The following COL9A1 variants were observed in gnomAD, a reference collection of about 807,000 sequenced individuals.
The protein encoded by COL9A1 is collagen alpha-1(IX) chain.
In COL9A1, 104 loss-of-function variants were observed where a neutral mutation model predicts 142.6. The ratio of observed to expected loss-of-function variants is 0.73; its 90% confidence interval spans 0.62 to 0.86. The LOEUF (loss-of-function observed/expected upper bound fraction) is 0.86. Ranked by LOEUF, COL9A1 falls within the 40% of genes least tolerant of loss-of-function variation. COL9A1 has a pLI of 0.00. For synonymous variants in COL9A1, 466 were observed against 396.0 expected (o/e 1.18, Z -2.10); for missense variants, 1,210 against 1,176.6 (o/e 1.03, Z -0.42).
downstream of COL9A1, chr6:70,215,515 G>C (rs1422553109): frequency 1.3e-5 from 2 of 152,196 alleles, no homozygotes; most frequent in African/African-American, 2.4e-5. Context: ...CACAGGCTCT[G>C]TGATATAAAA....
chr6:70,229,633 A>G (rs575930642), intron 36 of COL9A1, among the ~76,000 whole-genome samples: 6 of 152,316 alleles, frequency 3.9e-5, no homozygotes, highest in Admixed American at 3.3e-4. Flanking sequence ...CTAAAAATAT[A>G]CAGCCTTACT....
At position 70,271,728 on chromosome 6, in the gene COL9A1, G is replaced by T; in HGVS notation, c.1090-20C>A. The T allele has an allele frequency of 6.2e-7, 1 of 1,609,536 alleles. No homozygotes were observed. The highest frequency in any genetic ancestry group is 8.5e-7 in the Non-Finnish European group (1 of 1,176,116). Reference sequence around the variant, plus strand: ...AGGACCCTGAAGTCAACAAATCAAAGCAAATGGTCATTTATGAATATTTTT... The same window carrying T: ...AGGACCCTGAAGTCAACAAATCAAATCAAATGGTCATTTATGAATATTTTT... On this transcript the variant is annotated intron_variant, in intron 13 of 37. Coordinates refer to ENST00000357250, the MANE Select transcript of COL9A1 (RefSeq NM_001851.6).
chr6:70,286,787 G>A lies in COL9A1; in HGVS notation c.697-2967C>T, dbSNP rs111504025. ...TAAACCCGGCTGTTCCAGACATAGT[G>A]CTAGGGATGTAGGCAGCACTCATAT... On this transcript the variant is annotated intron_variant, in intron 5 of 37. Coordinates refer to ENST00000357250, the MANE Select transcript of COL9A1 (RefSeq NM_001851.6). Among the ~76,000 whole-genome samples the A allele has an allele frequency of 1.4e-4, 22 of 152,294 alleles. 1 individual carries two copies. Among genetic ancestry groups the A allele is most frequent in the African/African-American group, 5.1e-4 (21 of 41,558 alleles).
intron 28 of COL9A1, among the ~76,000 whole-genome samples, chr6:70,251,246 G>GA (rs1174939723): frequency 6.6e-6 from 1 of 151,830 alleles, no homozygotes. Flanking sequence ...CAATCATTAG[G>GA]AAAAAAAATA....
intron 33 of COL9A1, among the ~76,000 whole-genome samples, chr6:70,235,852 C>T (rs144531999): frequency 0.048 from 7,280 of 152,078 alleles, 245 homozygotes; most frequent in Non-Finnish European, 0.075. Flanking sequence ...CGGTGGCTCA[C>T]GCCTGTAATC....
Position 70,281,472 on chromosome 6 carries a change from A to G in COL9A1, c.802-8T>C. The G allele has an allele frequency of 6.2e-7, 1 of 1,609,974 alleles. No individual in the cohort carries two copies. Among genetic ancestry groups the G allele is most frequent in the Non-Finnish European group, 8.5e-7 (1 of 1,178,362 alleles). ...CTCACCCGGGGGACCTCTCTGGCAA[A>G]AATAGCAGACATAGGTTAGTGGAGC... is the stretch of plus-strand genomic sequence containing the variant. On this transcript the variant is annotated splice_polypyrimidine_tract_variant and splice_region_variant and intron_variant, in intron 7 of 37. Coordinates refer to ENST00000357250, the MANE Select transcript of COL9A1 (RefSeq NM_001851.6).
chr6:70,280,719 TTC>T, intron 10 of COL9A1, 91 bp downstream of exon 10: 1 of 1,415,578 alleles, frequency 7.1e-7, no homozygotes, highest in Non-Finnish European at 9.7e-7. Flanking sequence ...CTCTCTCTCT[TTC>T]TCTCTCTCCC....
intron 36 of COL9A1, among the ~76,000 whole-genome samples, chr6:70,229,784 G>C (rs1769438749): frequency 1.3e-5 from 2 of 152,126 alleles, no homozygotes; most frequent in South Asian, 4.1e-4. Context: ...CTAACATTTT[G>C]TATAATATTG....
At chr6:70,224,868 T>A (rs1769126199) in intron 37 of COL9A1, among the ~76,000 whole-genome samples, 1 of 152,196 alleles carries the variant, frequency 6.6e-6, no homozygotes, top group South Asian at 2.1e-4. Flanking sequence ...AGAAAGGCAG[T>A]GTTTGAGTTA....
At chr6:70,298,724 C>T (rs1215821297) in intron 4 of COL9A1, among the ~76,000 whole-genome samples, 3 of 152,142 alleles carry the variant, frequency 2.0e-5, no homozygotes, top group Non-Finnish European at 4.4e-5. Flanking sequence ...CACTGAGGAC[C>T]TCATGTTTTG....
chr6:70,281,288 C>T, intron 8 of COL9A1, 102 bp downstream of exon 8: 1 of 1,139,596 alleles, frequency 8.8e-7, no homozygotes, highest in Non-Finnish European at 1.2e-6. Flanking sequence ...AGGGGAGACC[C>T]TGGTCCTCTC....
chr6:70,292,068 T>C (rs148473939), intron 5 of COL9A1, among the ~76,000 whole-genome samples: 2 of 152,328 alleles, frequency 1.3e-5, no homozygotes, highest in East Asian at 3.9e-4. Flanking sequence ...TTTCCTTACA[T>C]AGTGTTCTAA....
At chr6:70,254,370 T>C (rs866374863) in intron 25 of COL9A1, 106 bp downstream of exon 25, 8 of 970,006 alleles carry the variant, frequency 8.2e-6, no homozygotes, top group Middle Eastern at 2.2e-4. Flanking sequence ...TAAAACATCA[T>C]ATCTTCCCCA....
chr6:70,299,690 T>C (rs935484627), intron 4 of COL9A1, among the ~76,000 whole-genome samples: 1 of 152,214 alleles, frequency 6.6e-6, no homozygotes, highest in Non-Finnish European at 1.5e-5. Flanking sequence ...AACCACTCTG[T>C]GGCTCCTAGT....
chr6:70,270,463 C>T, intron 14 of COL9A1, 96 bp from the exon 15 acceptor site: 1 of 1,156,618 alleles, frequency 8.6e-7, no homozygotes, highest in Non-Finnish European at 1.2e-6. Flanking sequence ...TTACTGGAAA[C>T]CCCCACCGAG....
chr6:70,268,515 A>C (rs1485287244), intron 17 of COL9A1, among the ~76,000 whole-genome samples: 5 of 152,188 alleles, frequency 3.3e-5, no homozygotes, highest in African/African-American at 1.2e-4. Flanking sequence ...ACACTCAGCC[A>C]GGAAGCAAAC....
intron 36 of COL9A1, among the ~76,000 whole-genome samples, chr6:70,230,104 T>G (rs1769457770): frequency 6.6e-6 from 1 of 152,198 alleles, no homozygotes; most frequent in Admixed American, 6.5e-5. Context: ...TACTGAAATA[T>G]ATCTCTCCTC....
intron 18 of COL9A1, 150 bp from the exon 19 acceptor site, chr6:70,263,447 C>A: frequency 1.7e-6 from 1 of 601,888 alleles, no homozygotes; most frequent in Non-Finnish European, 2.8e-6. Flanking sequence ...ATGGGTAGTC[C>A]AAATTAATTG....
chr6:70,234,635 A>G, intron 34 of COL9A1, 42 bp from the exon 35 acceptor site: 1 of 1,612,302 alleles, frequency 6.2e-7, no homozygotes, highest in Non-Finnish European at 8.5e-7. Context: ...GCATGAAACC[A>G]TAAAGAGAAC....
Sources: allele counts gnomAD v4.1 joint callset (sites outside exome capture counted in the v4.1 genomes callset), GRCh38; gene constraint gnomAD v4.1.1; transcripts MANE v1.5; gene names NCBI Gene and HGNC (gene_info 2026-07-23, HGNC 2026-07-21).